Variants in PITPNM3 observed in about 807,000 individuals in gnomAD.
PITPNM3 encodes the protein PITPNM family member 3.
PITPNM3 carries 26 observed loss-of-function variants against 102.0 expected under a neutral mutation model. The observed-to-expected ratio is 0.25, with a 90% CI of 0.19 to 0.35. The LOEUF is 0.35. Ranked by LOEUF, PITPNM3 falls within the 10% of genes least tolerant of loss-of-function variation. The pLI is 1.00. For missense variants in PITPNM3, 1,083 were observed against 1,346.1 expected, an observed-to-expected ratio of 0.80 and a Z score of 3.06; for synonymous variants, 578 against 558.6, an observed-to-expected ratio of 1.03 and a Z score of -0.49.
chr17:6,470,416 T>A lies in PITPNM3; in HGVS notation c.1625-8A>T, dbSNP rs781573386. On this transcript the variant is annotated splice_region_variant and splice_polypyrimidine_tract_variant and intron_variant, in intron 12 of 19. Coordinates refer to ENST00000262483, the MANE Select transcript of PITPNM3 (RefSeq NM_031220.4). This position sits in a 1 kb window ranked among gnomAD's most constrained non-coding sequence, Gnocchi z 4.8. ...CCCACCACTTGGCTGTGACTGTGGGTCGGAGAGGAAGGTGAGGATGCGTGG... is the reference window on the plus strand; with the variant it reads ...CCCACCACTTGGCTGTGACTGTGGGACGGAGAGGAAGGTGAGGATGCGTGG... The A allele has an allele frequency of 1.2e-6, 2 of 1,613,924 alleles. No homozygotes were observed. Among genetic ancestry groups the A allele is most frequent in the Admixed American group, 3.3e-5 (2 of 60,022 alleles).
In PITPNM3 at chr17:6,470,631, G is replaced by A. The variant is rs1905025114; in HGVS notation, c.1625-223C>T. 6.6e-6 allele frequency among the ~76,000 whole-genome samples: 1 copy of A among 152,198 alleles called. No individual in the cohort carries two copies. Among genetic ancestry groups the A allele is most frequent in the Non-Finnish European group, 1.5e-5 (1 of 68,026 alleles). On this transcript the variant is annotated intron_variant, in intron 12 of 19. Transcript: ENST00000262483. This position sits in a 1 kb window ranked among gnomAD's most constrained non-coding sequence, Gnocchi z 4.8. The stretch of plus-strand genomic sequence containing the variant: ...CCTAAGATGTGCGTGCCAAGCCCAT[G>A]CCCAGGAAGGAGGGCCAGACCCACA...
chr17:6,509,348 G>A (rs895525080), intron 3 of PITPNM3, among the ~76,000 whole-genome samples: 4 of 152,254 alleles, frequency 2.6e-5, no homozygotes, highest in African/African-American at 7.2e-5. Flanking sequence ...TGAAACAGGA[G>A]AGCCTTCCTG....
chr17:6,509,493 G>A (rs1001069530), intron 3 of PITPNM3, among the ~76,000 whole-genome samples: 4 of 152,290 alleles, frequency 2.6e-5, no homozygotes, highest in Admixed American at 1.3e-4. Context: ...GACAGGAGCC[G>A]CTGAAGCCGG....
intron 14 of PITPNM3, among the ~76,000 whole-genome samples, chr17:6,466,418 G>A (rs1001684328): frequency 1.1e-4 from 17 of 152,238 alleles, no homozygotes; most frequent in African/African-American, 4.1e-4. Flanking sequence ...CAGCCAAGTA[G>A]GGAACGCAGG....
In PITPNM3 at chr17:6,453,135, C is replaced by CTCTCTCTCCCTCTCTCTCTT. The variant is rs1913940808; in HGVS notation, c.*2183_*2202dup. On this transcript the variant is annotated 3_prime_UTR_variant, in exon 20 of 20. Transcript: ENST00000262483. ...TCTCTTTCTCTCTCCCTCTCTCTCT[C>CTCTCTCTCCCTCTCTCTCTT]TCTCTCTCCCTCTCTCTCTTTCTCT... 2 of 138,848 alleles carry CTCTCTCTCCCTCTCTCTCTT rather than the reference C, an allele frequency of 1.4e-5. No homozygotes were observed. The highest frequency in any genetic ancestry group is 2.8e-5 in the African/African-American group (1 of 35,568). The allele number at this position is 138,848 out of a possible 1,614,324, so 8.6% of individuals were successfully genotyped here. A position where few individuals can be genotyped will look rare whatever the true frequency, so the allele number is the denominator to read the frequency against.
At position 6,471,201 on chromosome 17, in the gene PITPNM3, C is replaced by T. The variant is rs545099001; in HGVS notation, c.1584G>A (p.Ser528=). Residue 528 remains serine (S), a synonymous_variant, in exon 12 of 20, where the codon TCG becomes TCA. Coordinates refer to ENST00000262483, the MANE Select transcript of PITPNM3 (RefSeq NM_031220.4). ...MSEGSSHSES[S]ESSDSMAPVG... Reference sequence around the variant, plus strand: ...CGGGTGCCATGCTGTCCGAGGACTCCGAGCTCTCGCTGTGGGAGCTCCCCT... The same window carrying T: ...CGGGTGCCATGCTGTCCGAGGACTCTGAGCTCTCGCTGTGGGAGCTCCCCT... 28 of 1,613,048 alleles carry T rather than the reference C, an allele frequency of 1.7e-5. No homozygotes were observed. The highest frequency in any genetic ancestry group is 6.6e-5 in the South Asian group (6 of 91,038).
At chr17:6,482,693 C>T (rs373998775) in intron 6 of PITPNM3, among the ~76,000 whole-genome samples, 7 of 152,250 alleles carry the variant, frequency 4.6e-5, no homozygotes, top group South Asian at 2.1e-4. Flanking sequence ...TCCAGGTAGA[C>T]AGAGGCAGAA....
intron 3 of PITPNM3, 73 bp from the exon 4 acceptor site, chr17:6,503,647 G>A (rs991217697): frequency 2.7e-6 from 4 of 1,477,396 alleles, no homozygotes; most frequent in Non-Finnish European, 3.7e-6. Context: ...CAGGGAGGCT[G>A]CTTGGAGCTG....
chr17:6,491,836 T>TATATATATATATATATATATATAAAA (rs148932496), intron 4 of PITPNM3, among the ~76,000 whole-genome samples: 2 of 139,284 alleles, frequency 1.4e-5, no homozygotes, highest in South Asian at 4.7e-4. Flanking sequence ...TATATATATA[T>TATATATATATATATATATATATAAAA]AATAAAGAAT....
chr17:6,551,317 G>A (rs1910288747), intron 1 of PITPNM3, among the ~76,000 whole-genome samples: 1 of 150,624 alleles, frequency 6.6e-6, no homozygotes, highest in South Asian at 2.1e-4. Context: ...AGCTGAGATC[G>A]CGCCACTGCA....
intron 4 of PITPNM3, among the ~76,000 whole-genome samples, chr17:6,493,609 A>G (rs1305765709): frequency 6.6e-6 from 1 of 152,222 alleles, no homozygotes; most frequent in African/African-American, 2.4e-5. Flanking sequence ...AGTTTCATCC[A>G]GAGTCTGGGG....
chr17:6,464,282 G>GC lies in PITPNM3; in HGVS notation c.2043_2044insG (p.Arg682AlafsTer63). 1 of 1,614,062 alleles carries GC rather than the reference G, an allele frequency of 6.2e-7. No homozygotes were observed. Among genetic ancestry groups the GC allele is most frequent in the Non-Finnish European group, 8.5e-7 (1 of 1,180,010 alleles). On this transcript the variant is annotated frameshift_variant, in exon 16 of 20. Transcript: ENST00000262483. LOFTEE classifies it high-confidence loss of function. ...ATCTCTGTGTCCAGGTGTACCCAGC[G>GC]GCCTGAGGATGGCTCTGCCATTACT...
At position 6,470,119 on chromosome 17, in the gene PITPNM3, G is replaced by T; in HGVS notation, c.1773+141C>A. 1 of 970,722 alleles carries T rather than the reference G, an allele frequency of 1.0e-6. No individual in the cohort carries two copies. Among genetic ancestry groups the T allele is most frequent in the Admixed American group, 2.0e-5 (1 of 49,614 alleles). The allele number at this position is 970,722 out of a possible 1,614,324, so 60.1% of individuals were successfully genotyped here. A position where few individuals can be genotyped will look rare whatever the true frequency, so the allele number is the denominator to read the frequency against. On this transcript the variant is annotated intron_variant, in intron 13 of 19. Coordinates refer to ENST00000262483, the MANE Select transcript of PITPNM3 (RefSeq NM_031220.4). This position sits in a 1 kb window ranked among gnomAD's most constrained non-coding sequence, Gnocchi z 4.8. Reference sequence around the variant, plus strand: ...CATGTCACTCCCCACTCACGTAGGTGCTCCAATGCCTTCCTCATGCTCTTA... The same window carrying T: ...CATGTCACTCCCCACTCACGTAGGTTCTCCAATGCCTTCCTCATGCTCTTA...
At chr17:6,471,484 A>T in intron 11 of PITPNM3, 129 bp from the exon 12 acceptor site, 2 of 932,840 alleles carry the variant, frequency 2.1e-6, no homozygotes, top group Non-Finnish European at 3.1e-6. Context: ...CTCACTTGCC[A>T]GCCCAGCAGG....
In PITPNM3 at chr17:6,455,454, C is replaced by T; in HGVS notation, c.2809G>A (p.Ala937Thr). 3.1e-6 allele frequency: 5 copies of T among 1,604,168 alleles called. No individual in the cohort carries two copies. The highest frequency in any genetic ancestry group is 1.3e-5 in the African/African-American group (1 of 74,908). ...TGGGCCCGCTCGGGCTTGGGGTTGG[C>T]GGCGGGCGGGTCGGGCTGCTGCACT... The part of the protein sequence containing the change: ...MSVQQPDPPA[A>T]NPKPERAQSQ... Residue 937 changes from alanine (A) to threonine (T), a missense_variant, in exon 20 of 20, where the codon GCC (alanine) becomes ACC (threonine). By Grantham distance (58) the Ala-to-Thr change is moderately conservative. This residue lies in a region of PITPNM3 where 208 missense variants were observed against 178.2 expected (regional missense o/e 1.17). Coordinates refer to ENST00000262483, the MANE Select transcript of PITPNM3 (RefSeq NM_031220.4).
chr17:6,548,149 C>A (rs1482968950), intron 1 of PITPNM3, among the ~76,000 whole-genome samples: 1 of 152,162 alleles, frequency 6.6e-6, no homozygotes, highest in Admixed American at 6.5e-5. Context: ...CCACTCCATG[C>A]CAGCAAGAGC....
intron 4 of PITPNM3, among the ~76,000 whole-genome samples, chr17:6,490,615 A>T (rs989932968): frequency 2.2e-4 from 34 of 152,098 alleles, no homozygotes; most frequent in African/African-American, 7.7e-4. Context: ...TTCCTAGGCA[A>T]GTCCTGGGGC....
At chr17:6,503,393 T>C in intron 4 of PITPNM3, 134 bp downstream of exon 4, 1 of 1,030,322 alleles carries the variant, frequency 9.7e-7, no homozygotes. Flanking sequence ...GGCCCTCCGG[T>C]ACTGCCTGCA....
In PITPNM3 at chr17:6,455,376, A is replaced by G; in HGVS notation, c.2887T>C (p.Trp963Arg). 1.3e-6 allele frequency: 2 copies of G among 1,590,052 alleles called. No homozygotes were observed. The highest frequency in any genetic ancestry group is 8.6e-7 in the Non-Finnish European group (1 of 1,169,550). ...TCGAACTTGGGGGGCCCACGCGCCC[A>G]GCTGAGCGCCGGCAGCGGCCGCTCG... The part of the protein sequence containing the change: ...DHERPLPALS[W>R]ARGPPKFESV... The change falls in exon 20 of 20, where the codon TGG becomes CGG. Residue 963 changes from tryptophan to arginine, a missense_variant. Transcript: ENST00000262483.
Sources: allele counts gnomAD v4.1 joint callset (sites outside exome capture counted in the v4.1 genomes callset), GRCh38; gene constraint gnomAD v4.1.1; regional missense constraint gnomAD v4.1.1; non-coding constraint Gnocchi (gnomAD v3.1); transcripts MANE v1.5; gene names NCBI Gene and HGNC (gene_info 2026-07-23, HGNC 2026-07-21).